The following GRIN2A variants were observed in gnomAD, a reference collection of about 807,000 sequenced individuals.
GRIN2A encodes glutamate receptor ionotropic, NMDA 2A.
In GRIN2A, 22 loss-of-function variants were observed where a neutral mutation model predicts 113.4. That is an observed-to-expected ratio of 0.19 (90% CI 0.14 to 0.28). The LOEUF is 0.28. GRIN2A is among the 10% of genes least tolerant of loss of function. The pLI is 1.00. For missense variants in GRIN2A, 1,502 were observed against 1,887.0 expected, an observed-to-expected ratio of 0.80 and a Z score of 3.78; for synonymous variants, 827 against 738.4, an observed-to-expected ratio of 1.12 and a Z score of -1.94.
At chr16:9,916,709 T>C (rs2141568561) in intron 3 of GRIN2A, among the ~76,000 whole-genome samples, 1 of 152,308 alleles carries the variant, frequency 6.6e-6, no homozygotes, top group East Asian at 1.9e-4. Context: ...TTTCAAGGCA[T>C]GACCTCTTTT....
chr16:9,784,708 A>G (rs573533201), intron 11 of GRIN2A, among the ~76,000 whole-genome samples: 2 of 152,328 alleles, frequency 1.3e-5, no homozygotes, highest in East Asian at 3.9e-4. Flanking sequence ...AAGGGCTAAT[A>G]TCCAGAATCT....
intron 10 of GRIN2A, among the ~76,000 whole-genome samples, chr16:9,811,316 A>G (rs2042082507): frequency 6.6e-6 from 1 of 152,184 alleles, no homozygotes; most frequent in Non-Finnish European, 1.5e-5. Context: ...ACTGCTACTC[A>G]TTAGATGTTA....
At chr16:9,924,123 A>C (rs1257512438) in intron 3 of GRIN2A, among the ~76,000 whole-genome samples, 23 of 150,974 alleles carry the variant, frequency 1.5e-4, no homozygotes, top group African/African-American at 2.9e-4. Context: ...AAAAAAAAAA[A>C]AAAAAAAAAA....
At chr16:9,864,941 C>G (rs560590907) in intron 4 of GRIN2A, among the ~76,000 whole-genome samples, 2 of 152,272 alleles carry the variant, frequency 1.3e-5, no homozygotes, top group African/African-American at 4.8e-5. Flanking sequence ...GGATGCTAAC[C>G]AAAGCCGTTG....
chr16:10,172,694 TCTGA>T (rs949434218), intron 2 of GRIN2A, among the ~76,000 whole-genome samples: 53 of 152,366 alleles, frequency 3.5e-4, no homozygotes, highest in Non-Finnish European at 6.9e-4. Flanking sequence ...GGCCAGGCCT[TCTGA>T]CTGTTTCAAA....
intron 2 of GRIN2A, among the ~76,000 whole-genome samples, chr16:10,090,037 T>C (rs543644995): frequency 1.3e-5 from 2 of 152,290 alleles, no homozygotes; most frequent in African/African-American, 2.4e-5. Flanking sequence ...TTAAGATACA[T>C]TTATCCATTT....
intron 4 of GRIN2A, among the ~76,000 whole-genome samples, chr16:9,875,638 A>G (rs1458449081): frequency 6.6e-6 from 1 of 152,238 alleles, no homozygotes; most frequent in Admixed American, 6.5e-5. Context: ...AGGCCCAGAC[A>G]GCAGCCACTG....
intron 4 of GRIN2A, among the ~76,000 whole-genome samples, chr16:9,870,973 C>T (rs956679320): frequency 3.3e-5 from 5 of 152,158 alleles, no homozygotes; most frequent in African/African-American, 1.2e-4. Flanking sequence ...ATTCTCATGT[C>T]TCTTTTCCAA....
intron 3 of GRIN2A, among the ~76,000 whole-genome samples, chr16:9,893,973 C>T (rs1437027033): frequency 6.6e-6 from 1 of 152,080 alleles, no homozygotes; most frequent in Non-Finnish European, 1.5e-5. Flanking sequence ...AATGACAGTA[C>T]CTATAATGCC....
chr16:9,984,280 T>C (rs181474622), intron 2 of GRIN2A, among the ~76,000 whole-genome samples: 4 of 152,312 alleles, frequency 2.6e-5, no homozygotes, highest in African/African-American at 9.6e-5. Context: ...TAATCCCTTG[T>C]CAGTTGAGTA....
At chr16:10,105,064 C>T (rs550454157) in intron 2 of GRIN2A, among the ~76,000 whole-genome samples, 22 of 152,298 alleles carry the variant, frequency 1.4e-4, no homozygotes, top group Non-Finnish European at 2.5e-4. Context: ...AGCAGTGCCA[C>T]TCTGGGTCTG....
chr16:9,994,730 G>A (rs1055605087), intron 2 of GRIN2A, among the ~76,000 whole-genome samples: 8 of 152,156 alleles, frequency 5.3e-5, no homozygotes, highest in Non-Finnish European at 7.4e-5. Context: ...AGGTACCTGC[G>A]TCACCACAGC....
intron 4 of GRIN2A, among the ~76,000 whole-genome samples, chr16:9,867,868 T>A (rs1461081732): frequency 6.6e-6 from 1 of 151,994 alleles, no homozygotes; most frequent in African/African-American, 2.4e-5. Flanking sequence ...AGTTATCACC[T>A]CTCTTGACAG....
At chr16:10,111,071 G>T (rs1353996414) in intron 2 of GRIN2A, among the ~76,000 whole-genome samples, 1 of 152,202 alleles carries the variant, frequency 6.6e-6, no homozygotes, top group Non-Finnish European at 1.5e-5. Flanking sequence ...GCTCTTAAAA[G>T]AACTGATTGA....
chr16:9,882,851 G>T (rs2043509368), intron 4 of GRIN2A, among the ~76,000 whole-genome samples: 1 of 152,186 alleles, frequency 6.6e-6, no homozygotes, highest in Non-Finnish European at 1.5e-5. Flanking sequence ...GTTCTAATTA[G>T]CTGGTTTCAG....
chr16:9,852,426 C>T (rs983478867), intron 4 of GRIN2A, among the ~76,000 whole-genome samples: 1 of 152,208 alleles, frequency 6.6e-6, no homozygotes, highest in Non-Finnish European at 1.5e-5. Context: ...AACCCCCACA[C>T]CATGGGAGTC....
At chr16:10,038,840 TC>T (rs1278190348) in intron 2 of GRIN2A, among the ~76,000 whole-genome samples, 1 of 137,106 alleles carries the variant, frequency 7.3e-6, no homozygotes, top group African/African-American at 2.8e-5. Context: ...AGAATGAGAC[TC>T]CTTCTCAAAA....
At chr16:10,149,453 T>C (rs2049520660) in intron 2 of GRIN2A, among the ~76,000 whole-genome samples, 1 of 152,266 alleles carries the variant, frequency 6.6e-6, no homozygotes, top group Non-Finnish European at 1.5e-5. Context: ...TGAAATTCTC[T>C]GTACTAATTT....
intron 3 of GRIN2A, among the ~76,000 whole-genome samples, chr16:9,925,828 CATA>C (rs2044453252): frequency 6.6e-6 from 1 of 152,172 alleles, no homozygotes. Context: ...ATCTCTCAAA[CATA>C]TCTCCAAGTA....
Sources: allele counts gnomAD v4.1 joint callset (sites outside exome capture counted in the v4.1 genomes callset), GRCh38; gene constraint gnomAD v4.1.1; transcripts MANE v1.5; gene names NCBI Gene and HGNC (gene_info 2026-07-23, HGNC 2026-07-21).